The following KRT72 variants were observed in gnomAD, a reference collection of about 807,000 sequenced individuals.
KRT72 encodes the protein keratin 72.
A neutral mutation model predicts 44.7 loss-of-function variants in KRT72; 44 were observed. That is an observed-to-expected ratio of 0.98 (90% CI 0.77 to 1.27). KRT72 has a LOEUF of 1.27. KRT72 is among the 50% of genes most tolerant of loss of function. The probability of loss-of-function intolerance (pLI) is 0.00; values close to 1 mark genes in which losing one functional copy is unlikely to be tolerated. For missense variants in KRT72, 736 were observed against 667.1 expected (o/e 1.10, Z -1.14); for synonymous variants, 302 against 280.4 (o/e 1.08, Z -0.77).
intron 5 of KRT72, 82 bp downstream of exon 5, chr12:52,591,378 ACACG>A: frequency 7.9e-6 from 11 of 1,397,394 alleles, no homozygotes; most frequent in African/African-American, 1.4e-5. Context: ...ACACACAAAC[ACACG>A]CACACACACG....
intron 4 of KRT72, among the ~76,000 whole-genome samples, 191 bp downstream of exon 4, chr12:52,592,202 ACTT>A (rs547644839): frequency 2.0e-3 from 299 of 152,152 alleles, no homozygotes; most frequent in Admixed American, 6.6e-3. Context: ...GGCAAGAATC[ACTT>A]CTTCTCTTTC....
At position 52,599,487 on chromosome 12, in the gene KRT72, C is replaced by T. The variant is rs59907575; in HGVS notation, c.427-375G>A. 2,123 of 460,614 alleles carry T rather than the reference C, an allele frequency of 4.6e-3. 41 individuals are homozygous for T. The highest frequency in any genetic ancestry group is 0.039 in the African/African-American group (1,951 of 50,382). 28.5% of individuals were successfully genotyped at this position (460,614 alleles called of 1,614,324 possible). A position where few individuals can be genotyped will look rare whatever the true frequency, so the allele number is the denominator to read the frequency against. On this transcript the variant is annotated intron_variant, in intron 1 of 8. Transcript: ENST00000293745. Reference sequence around the variant, plus strand: ...TTGGAAAGCACACTGGCATTTAGAGCGTTCCTCCTGTTGTGTAGCCTAAAT... The same window carrying T: ...TTGGAAAGCACACTGGCATTTAGAGTGTTCCTCCTGTTGTGTAGCCTAAAT...
upstream of KRT72, among the ~76,000 whole-genome samples, chr12:52,602,663 T>C (rs1940515099): frequency 1.3e-5 from 2 of 152,064 alleles, no homozygotes; most frequent in Non-Finnish European, 2.9e-5. Flanking sequence ...CCTCCTCTGC[T>C]CCCCCAGTGC....
At position 52,587,941 on chromosome 12, in the gene KRT72, T is replaced by C. The variant is rs531913888; in HGVS notation, c.1090-90A>G. 3 of 1,274,202 alleles carry C rather than the reference T, an allele frequency of 2.4e-6. No individual in the cohort carries two copies. In the South Asian group the frequency reaches 4.2e-5, roughly 18 times the overall value. 78.9% of individuals were successfully genotyped at this position (1,274,202 alleles called of 1,614,324 possible). On this transcript the variant is annotated intron_variant, in intron 6 of 8. Coordinates refer to ENST00000293745, the MANE Select transcript of KRT72 (RefSeq NM_080747.3). ...CCTCCCCTTGTTTTGTCCTGACTGATGGCAACTGCTTGGAGATCCTCCTGG... is the reference window on the plus strand; with the variant it reads ...CCTCCCCTTGTTTTGTCCTGACTGACGGCAACTGCTTGGAGATCCTCCTGG...
rs1940449067 is a variant in KRT72 at position 52,601,364 on chromosome 12, C to G, written c.89G>C (p.Ser30Thr). The G allele has an allele frequency of 6.5e-7, 1 of 1,543,578 alleles. No homozygotes were observed. Among genetic ancestry groups the G allele is most frequent in the Non-Finnish European group, 8.7e-7 (1 of 1,146,836 alleles). Residue 30 changes from serine to threonine, a missense_variant, in exon 1 of 9, where the codon AGC becomes ACC. Physicochemically the swap from Ser to Thr is moderately conservative, Grantham distance 58. Transcript: ENST00000293745. ...SAVLSGGIGS[S>T]SASFRARVKG... ...GACCCGGGCCCGGAATGAGGCGGAG[C>G]TGCTGCCGATCCCGCCAGAGAGGAC...
chr12:52,602,114 C>G (rs7956271), upstream of KRT72, among the ~76,000 whole-genome samples: 2 of 151,800 alleles, frequency 1.3e-5, no homozygotes. Context: ...TGGACCAGAG[C>G]GAAAAGATTT....
At position 52,591,049 on chromosome 12, in the gene KRT72, C is replaced by T. The variant is rs562247306; in HGVS notation, c.964-88G>A. 3 of 1,285,224 alleles carry T rather than the reference C, an allele frequency of 2.3e-6. No individual in the cohort carries two copies. In the East Asian group the frequency reaches 7.3e-5, roughly 31 times the overall value. 79.6% of individuals were successfully genotyped at this position (1,285,224 alleles called of 1,614,324 possible). ...TTCTTCTGGACAGAAAGGATCCTGC[C>T]CTAGTTCAACAAGATCCTCAGGTTC... On this transcript the variant is annotated intron_variant, in intron 5 of 8. Transcript: ENST00000293745.
rs78440178 is a variant in KRT72 at position 52,595,783 on chromosome 12, A to G, written c.642-2831T>C. On this transcript the variant is annotated intron_variant, in intron 2 of 8. Coordinates refer to ENST00000293745, the MANE Select transcript of KRT72 (RefSeq NM_080747.3). ...ATTGGATTAAACGTGGTGCTCCTAA[A>G]GGACAGAATAAGTTGTATAAGCATG... 9.9e-3 allele frequency among the ~76,000 whole-genome samples: 1,504 copies of G among 152,354 alleles called. 19 individuals are homozygous for G. The highest frequency in any genetic ancestry group is 0.035 in the African/African-American group (1,446 of 41,580).
chr12:52,588,732 C>T (rs1939881994), intron 6 of KRT72, among the ~76,000 whole-genome samples: 1 of 152,176 alleles, frequency 6.6e-6, no homozygotes, highest in African/African-American at 2.4e-5. Context: ...CACAGTGGCT[C>T]ATGCCTGTAA....
At chr12:52,592,199 A>C (rs1940059857) in intron 4 of KRT72, among the ~76,000 whole-genome samples, 197 bp downstream of exon 4, 1 of 152,132 alleles carries the variant, frequency 6.6e-6, no homozygotes, top group South Asian at 2.1e-4. Context: ...GAGGGCAAGA[A>C]TCACTTCTTC....
At chr12:52,592,050 C>A (rs924126681) in intron 4 of KRT72, among the ~76,000 whole-genome samples, 1 of 152,206 alleles carries the variant, frequency 6.6e-6, no homozygotes, top group Non-Finnish European at 1.5e-5. Flanking sequence ...CTGCCCCCCT[C>A]AGCACCCACT....
At position 52,585,855 on chromosome 12, in the gene KRT72, G is replaced by A. The variant is rs545688927; in HGVS notation, c.*127C>T. On this transcript the variant is annotated 3_prime_UTR_variant, in exon 9 of 9. Transcript: ENST00000293745. The stretch of plus-strand genomic sequence containing the variant: ...TCACACCTTGAGGACAACAGGGAGA[G>A]GAAATGGGGTTGGGACTGTAGTGAC... The A allele has an allele frequency of 3.6e-5, 30 of 844,312 alleles. No homozygotes were observed. The East Asian group carries it at 6.9e-4, about 20-fold the overall frequency. The allele number at this position is 844,312 out of a possible 1,614,324, so 52.3% of individuals were successfully genotyped here.
chr12:52,591,350 G>T, intron 5 of KRT72, 114 bp downstream of exon 5: 1 of 1,037,668 alleles, frequency 9.6e-7, no homozygotes, highest in Non-Finnish European at 1.4e-6. Context: ...GGTCTTGACT[G>T]AGCCCAAATA....
intron 3 of KRT72, 77 bp from the exon 4 acceptor site, chr12:52,592,568 T>C (rs1285127891): frequency 5.5e-6 from 6 of 1,088,546 alleles, no homozygotes; most frequent in Non-Finnish European, 6.9e-6. Context: ...CAGGAAGCCT[T>C]GCTCTTTCCT....
At chr12:52,597,224 A>T (rs1176799604) in intron 2 of KRT72, among the ~76,000 whole-genome samples, 1 of 152,218 alleles carries the variant, frequency 6.6e-6, no homozygotes, top group Non-Finnish European at 1.5e-5. Flanking sequence ...TTAATTGTGA[A>T]GAGTTTTTTA....
intron 4 of KRT72, 45 bp from the exon 5 acceptor site, chr12:52,591,673 A>G (rs774690274): frequency 5.1e-6 from 8 of 1,556,844 alleles, no homozygotes; most frequent in Non-Finnish European, 7.0e-6. Flanking sequence ...GGTACTCATG[A>G]GGAACCAGTT....
chr12:52,587,802 C>T lies in KRT72; in HGVS notation c.1139G>A (p.Cys380Tyr), dbSNP rs764801794. Residue 380 changes from cysteine (C) to tyrosine (Y), a missense_variant, in exon 7 of 9, where the codon TGC becomes TAC. Physicochemically the swap from Cys to Tyr is radical, Grantham distance 194. Coordinates refer to ENST00000293745, the MANE Select transcript of KRT72 (RefSeq NM_080747.3). ...CTTGGCCCGGGCATCTTTCAGGGCG[C>T]AGTCCCCCCGCTGTTCAGCGTCGGC... ...AIADAEQRGD[C>Y]ALKDARAKLD... The T allele has an allele frequency of 6.2e-7, 1 of 1,614,202 alleles. No individual in the cohort carries two copies. Among genetic ancestry groups the T allele is most frequent in the Non-Finnish European group, 8.5e-7 (1 of 1,180,040 alleles).
rs778087541 is a variant in KRT72, at chr12:52,601,226, C to A, written c.227G>T (p.Gly76Val). The A allele has an allele frequency of 7.5e-6, 12 of 1,600,144 alleles. No individual in the cohort carries two copies. Among genetic ancestry groups the A allele is most frequent in the Non-Finnish European group, 9.4e-6 (11 of 1,173,560 alleles). The change falls in exon 1 of 9, where the codon GGC (glycine) becomes GTC (valine). Residue 76 changes from glycine to valine, a missense_variant. Transcript: ENST00000293745. ...RGGGRLGGFV[G>V]TAFGSAGLGP... ...CAGCCCGGCGCTGCCGAAGGCGGTG[C>A]CCACGAAGCCGCCCAGGCGGCCGCC...
chr12:52,591,984 C>A (rs527771073), intron 4 of KRT72, among the ~76,000 whole-genome samples: 2 of 152,192 alleles, frequency 1.3e-5, no homozygotes, highest in African/African-American at 4.8e-5. Context: ...GGCCTCTGCG[C>A]CCTTCTTCAT....
Sources: gnomAD v4.1 joint callset for allele counts (sites outside exome capture counted in the v4.1 genomes callset) on GRCh38, gnomAD v4.1.1 for gene constraint, MANE v1.5 for transcripts, NCBI Gene and HGNC (gene_info 2026-07-23, HGNC 2026-07-21) for gene names.